Variants in SLC41A2 observed in about 807,000 individuals in gnomAD.
SLC41A2 encodes the protein SLC41A1-like 1.
A neutral mutation model predicts 58.3 loss-of-function variants in SLC41A2; 32 were observed. The ratio of observed to expected loss-of-function variants is 0.55; its 90% confidence interval spans 0.41 to 0.74. The LOEUF (loss-of-function observed/expected upper bound fraction) is 0.74, where lower values mean the gene tolerates loss of function less well. Among genes scored for constraint, SLC41A2 ranks in the 30% least tolerant of loss-of-function variants. SLC41A2 has a pLI of 0.00. For missense variants in SLC41A2, 514 were observed against 680.6 expected (o/e 0.76, Z 2.72); for synonymous variants, 190 against 235.0 (o/e 0.81, Z 1.75).
intron 8 of SLC41A2, among the ~76,000 whole-genome samples, chr12:104,856,198 G>A (rs1306669711): frequency 2.0e-5 from 3 of 152,094 alleles, no homozygotes; most frequent in African/African-American, 7.2e-5. Context: ...AAGAATAGAA[G>A]CTCAAGAGCA....
intron 10 of SLC41A2, among the ~76,000 whole-genome samples, chr12:104,839,924 A>G (rs1181649305): frequency 6.6e-6 from 1 of 152,210 alleles, no homozygotes; most frequent in Non-Finnish European, 1.5e-5. Flanking sequence ...TCTAATACAA[A>G]GGGGAACAAC....
chr12:104,932,544 G>T (rs553225375), intron 1 of SLC41A2, among the ~76,000 whole-genome samples: 6 of 150,624 alleles, frequency 4.0e-5, no homozygotes, highest in African/African-American at 1.5e-4. Context: ...AGAAGCACTG[G>T]AGCCTGGGAG....
At chr12:104,877,638 T>G (rs954991864) in intron 6 of SLC41A2, among the ~76,000 whole-genome samples, 3 of 152,186 alleles carry the variant, frequency 2.0e-5, no homozygotes, top group African/African-American at 7.2e-5. Flanking sequence ...TACCGAAAGC[T>G]TTAGATGGCA....
At chr12:104,893,950 G>A (rs2045149055) in intron 4 of SLC41A2, among the ~76,000 whole-genome samples, 1 of 149,462 alleles carries the variant, frequency 6.7e-6, no homozygotes. Context: ...GCATAACAGG[G>A]TGACTTCAGT....
chr12:104,937,901 G>A (rs542330342), intron 1 of SLC41A2, among the ~76,000 whole-genome samples: 3 of 152,338 alleles, frequency 2.0e-5, no homozygotes, highest in South Asian at 4.1e-4. Flanking sequence ...AAGGATGTAA[G>A]CAGTGGTAAT....
Position 104,842,618 on chromosome 12 carries a change from C to T in SLC41A2, c.1536+1854G>A, listed in dbSNP as rs143658987. Among the ~76,000 whole-genome samples the T allele has an allele frequency of 4.8e-3, 724 of 152,180 alleles. 7 individuals are homozygous for T. The highest frequency in any genetic ancestry group is 0.017 in the African/African-American group (695 of 41,558). Reference sequence around the variant, plus strand: ...GCCTGTCTGGTAGATAGTACAACCTCTCCCATTTTACAGAGGGGGTAACTG... The same window carrying T: ...GCCTGTCTGGTAGATAGTACAACCTTTCCCATTTTACAGAGGGGGTAACTG... On this transcript the variant is annotated intron_variant, in intron 10 of 10. Transcript: ENST00000258538.
chr12:104,944,298 C>A lies in SLC41A2; in HGVS notation c.-168+13790G>T, dbSNP rs78351296. Among the ~76,000 whole-genome samples, 104 of 152,304 alleles carry A rather than the reference C, an allele frequency of 6.8e-4. 2 individuals are homozygous for A. In the East Asian group the frequency reaches 0.019, roughly 28 times the overall value. On this transcript the variant is annotated intron_variant, in intron 1 of 10. Transcript: ENST00000258538. ...TATGAAATGGGCAGTGCAGGACAGC[C>A]TCCACACCAAGGTCTTCCTCAGGTG...
intron 6 of SLC41A2, among the ~76,000 whole-genome samples, chr12:104,879,862 A>G (rs2044272313): frequency 6.6e-6 from 1 of 151,910 alleles, no homozygotes; most frequent in East Asian, 1.9e-4. Context: ...TGGGAATGGC[A>G]TCCCCATCAA....
intron 2 of SLC41A2, among the ~76,000 whole-genome samples, chr12:104,921,672 G>T (rs1001321743): frequency 1.3e-5 from 2 of 152,092 alleles, no homozygotes; most frequent in Non-Finnish European, 2.9e-5. Context: ...AACAGTTGAA[G>T]ATAAAAAATC....
At chr12:104,847,004 T>C (rs1342749519) in intron 8 of SLC41A2, among the ~76,000 whole-genome samples, 2 of 152,008 alleles carry the variant, frequency 1.3e-5, no homozygotes, top group African/African-American at 4.8e-5. Context: ...CAATAAAGAA[T>C]ATAAACCATT....
Position 104,949,848 on chromosome 12 carries a change from A to G in SLC41A2, c.-168+8240T>C, listed in dbSNP as rs547814160. ...TCCGCCTGCCTCAGCCTCCCAAAGT[A>G]CTGGGATTACAGGTGTGAGCCACTG... On this transcript the variant is annotated intron_variant, in intron 1 of 10. Coordinates refer to ENST00000258538, the MANE Select transcript of SLC41A2 (RefSeq NM_001352171.3). 6.6e-5 allele frequency among the ~76,000 whole-genome samples: 10 copies of G among 152,212 alleles called. No homozygotes were observed. The South Asian group carries it at 1.9e-3, about 28-fold the overall frequency.
intron 1 of SLC41A2, among the ~76,000 whole-genome samples, chr12:104,948,981 C>T (rs1190502913): frequency 1.3e-5 from 2 of 152,016 alleles, no homozygotes; most frequent in Admixed American, 6.6e-5. Flanking sequence ...TTTGGGAGGC[C>T]GAGGTAGGTG....
chr12:104,847,495 C>G (rs1035698140), intron 8 of SLC41A2, among the ~76,000 whole-genome samples: 1 of 151,706 alleles, frequency 6.6e-6, no homozygotes, highest in Admixed American at 6.6e-5. Flanking sequence ...ATCCCAGCTA[C>G]CCCGGAGGCT....
chr12:104,924,197 CTA>C (rs1229954751), intron 2 of SLC41A2, among the ~76,000 whole-genome samples: 1 of 152,124 alleles, frequency 6.6e-6, no homozygotes, highest in Non-Finnish European at 1.5e-5. Context: ...ACAGAAATCT[CTA>C]TTAAAACGAC....
intron 3 of SLC41A2, among the ~76,000 whole-genome samples, chr12:104,899,126 T>C (rs2045439431): frequency 6.6e-6 from 1 of 152,194 alleles, no homozygotes. Flanking sequence ...ATTCTTTTTT[T>C]TTATAGTTAC....
intron 2 of SLC41A2, among the ~76,000 whole-genome samples, chr12:104,913,501 T>C (rs556854900): frequency 1.3e-5 from 2 of 152,314 alleles, no homozygotes; most frequent in Non-Finnish European, 2.9e-5. Context: ...CTGGCCAGTC[T>C]ACATGGGACT....
intron 2 of SLC41A2, among the ~76,000 whole-genome samples, chr12:104,916,428 C>T (rs1430521440): frequency 2.0e-5 from 3 of 152,126 alleles, no homozygotes; most frequent in Non-Finnish European, 4.4e-5. Flanking sequence ...AATGCCATCC[C>T]CATCAAGCTA....
intron 2 of SLC41A2, among the ~76,000 whole-genome samples, chr12:104,925,542 A>T (rs2046800628): frequency 6.7e-6 from 1 of 149,730 alleles, no homozygotes; most frequent in Non-Finnish European, 1.5e-5. Context: ...TGGGTGAAAG[A>T]GCGAGGCTCC....
chr12:104,919,408 T>A (rs1245496905), intron 2 of SLC41A2, among the ~76,000 whole-genome samples: 2 of 152,158 alleles, frequency 1.3e-5, no homozygotes, highest in Non-Finnish European at 2.9e-5. Context: ...TTAGGGTTTG[T>A]TTTTTTACAG....
Sources: gnomAD v4.1 joint callset for allele counts (sites outside exome capture counted in the v4.1 genomes callset) on GRCh38, gnomAD v4.1.1 for gene constraint, MANE v1.5 for transcripts, NCBI Gene and HGNC (gene_info 2026-07-23, HGNC 2026-07-21) for gene names.